Variants in AGAP1 observed in about 807,000 individuals in gnomAD.
AGAP1 encodes the protein ArfGAP with GTPase domain, ankyrin repeat and PH domain 1.
Under a neutral mutation model 105.3 loss-of-function variants are expected in AGAP1, and 29 were observed. The ratio of observed to expected loss-of-function variants is 0.28; its 90% confidence interval spans 0.21 to 0.38. The LOEUF is 0.38. Among genes scored for constraint, AGAP1 ranks in the 10% least tolerant of loss-of-function variants. The pLI, the probability that AGAP1 is intolerant of heterozygous loss-of-function variation, is 1.00. For synonymous variants in AGAP1, 509 were observed against 485.9 expected (o/e 1.05, Z -0.63); for missense variants, 998 against 1,165.1 (o/e 0.86, Z 2.09).
At position 235,721,482 on chromosome 2, in the gene AGAP1, T is replaced by TGC. The variant is rs1951381616; in HGVS notation, c.310+3839_310+3840insCG. On this transcript the variant is annotated intron_variant, in intron 3 of 17. Coordinates refer to ENST00000304032, the MANE Select transcript of AGAP1 (RefSeq NM_001037131.3). This position sits in a 1 kb window ranked among gnomAD's most constrained non-coding sequence, Gnocchi z 4.5. ...TTGACAGATTCCTTAATATTATGTG[T>TGC]GTGTGTGTGTGTGTGTGTGTGTACA... 6.9e-6 allele frequency among the ~76,000 whole-genome samples: 1 copy of TGC among 144,972 alleles called. No individual in the cohort carries two copies. Among genetic ancestry groups the TGC allele is most frequent in the Non-Finnish European group, 1.5e-5 (1 of 66,836 alleles).
At chr2:235,531,570 A>C (rs1943046051) in intron 1 of AGAP1, among the ~76,000 whole-genome samples, 1 of 150,692 alleles carries the variant, frequency 6.6e-6, no homozygotes. Context: ...CAGTGGGACA[A>C]GGGAATTGGG....
chr2:235,651,670 G>A (rs546825274), intron 1 of AGAP1, among the ~76,000 whole-genome samples: 3 of 152,272 alleles, frequency 2.0e-5, no homozygotes, highest in South Asian at 4.1e-4. Context: ...AGTGAGCAAC[G>A]TTGAGCCCCC....
In AGAP1 at chr2:236,076,961, AAAAG is replaced by A. The variant is rs2058650465; in HGVS notation, c.2114+27681_2114+27684del. The stretch of plus-strand genomic sequence containing the variant: ...TCACTACAGAAAATACCCAAAAAAA[AAAAG>A]CCAGGCATGGTGGTGCATGTCTGTG... On this transcript the variant is annotated intron_variant, in intron 16 of 17. Transcript: ENST00000304032. The surrounding 1 kb of genome is among the most constrained non-coding windows in gnomAD (Gnocchi z 4.4). 6.6e-6 allele frequency among the ~76,000 whole-genome samples: 1 copy of A among 151,592 alleles called. No homozygotes were observed. The highest frequency in any genetic ancestry group is 1.5e-5 in the Non-Finnish European group (1 of 67,894).
chr2:236,098,855 T>TA (rs2059262367), intron 16 of AGAP1, among the ~76,000 whole-genome samples: 1 of 151,728 alleles, frequency 6.6e-6, no homozygotes, highest in Admixed American at 6.6e-5. Context: ...ACTCTTGGCT[T>TA]CGAGTGATCT....
At chr2:235,709,364 C>G in intron 2 of AGAP1, 127 bp downstream of exon 2, 1 of 1,105,580 alleles carries the variant, frequency 9.0e-7, no homozygotes, top group Non-Finnish European at 1.4e-6. Context: ...TGGGTGTGTT[C>G]CTGGGAAGGG....
At chr2:235,536,375 A>ACACAC (rs1559231283) in intron 1 of AGAP1, among the ~76,000 whole-genome samples, 1 of 45,818 alleles carries the variant, frequency 2.2e-5, no homozygotes, top group East Asian at 9.3e-4. Context: ...ACACACACAC[A>ACACAC]GCAGGACCCC....
In AGAP1 at chr2:235,741,126, A is replaced by G; in HGVS notation, c.396+78A>G. On this transcript the variant is annotated intron_variant, in intron 4 of 17. Transcript: ENST00000304032. This position sits in a 1 kb window ranked among gnomAD's most constrained non-coding sequence, Gnocchi z 4.9. Reference sequence around the variant, plus strand: ...GTTTGATTCAAGAAGTGCTTCTAGAAATCGGTGACTTGGTTTCCAAAAAAG... The same window carrying G: ...GTTTGATTCAAGAAGTGCTTCTAGAGATCGGTGACTTGGTTTCCAAAAAAG... 7.8e-7 allele frequency: 1 copy of G among 1,276,484 alleles called. No homozygotes were observed. Among genetic ancestry groups the G allele is most frequent in the Non-Finnish European group, 1.1e-6 (1 of 950,686 alleles). 79.1% of individuals were successfully genotyped at this position (1,276,484 alleles called of 1,614,324 possible).
chr2:235,925,354 A>G (rs1244010123), intron 11 of AGAP1, among the ~76,000 whole-genome samples: 1 of 152,124 alleles, frequency 6.6e-6, no homozygotes, highest in Non-Finnish European at 1.5e-5. Context: ...CCCCAGCTTC[A>G]TATCTTACTC....
In AGAP1 at chr2:235,712,526, T is replaced by C. The variant is rs991143617; in HGVS notation, c.222+3289T>C. Among the ~76,000 whole-genome samples the C allele has an allele frequency of 7.2e-5, 11 of 152,252 alleles. No homozygotes were observed. The highest frequency in any genetic ancestry group is 5.9e-4 in the Admixed American group (9 of 15,288). Reference sequence around the variant, plus strand: ...CTCCTCACATCCTATTTGTGTGTTTTCATTGAACTCCAACTGGAATTTTTA... The same window carrying C: ...CTCCTCACATCCTATTTGTGTGTTTCCATTGAACTCCAACTGGAATTTTTA... On this transcript the variant is annotated intron_variant, in intron 2 of 17. Transcript: ENST00000304032. The surrounding 1 kb of genome is among the most constrained non-coding windows in gnomAD (Gnocchi z 6.0).
Position 235,714,049 on chromosome 2 carries a change from T to C in AGAP1, c.223-3508T>C, listed in dbSNP as rs1950976012. Among the ~76,000 whole-genome samples, 1 of 152,198 alleles carries C rather than the reference T, an allele frequency of 6.6e-6. No individual in the cohort carries two copies. The highest frequency in any genetic ancestry group is 1.5e-5 in the Non-Finnish European group (1 of 68,042). On this transcript the variant is annotated intron_variant, in intron 2 of 17. Coordinates refer to ENST00000304032, the MANE Select transcript of AGAP1 (RefSeq NM_001037131.3). The surrounding 1 kb of genome is among the most constrained non-coding windows in gnomAD (Gnocchi z 4.1). The stretch of plus-strand genomic sequence containing the variant: ...TATTTTTTGAGACAGAGTCTCACTC[T>C]GTCGCCCAGGCTGGAGTGCGGTGGT...
At position 235,801,876 on chromosome 2, in the gene AGAP1, A is replaced by C. The variant is rs1439569156; in HGVS notation, c.957+2354A>C. On this transcript the variant is annotated intron_variant, in intron 8 of 17. Transcript: ENST00000304032. This position sits in a 1 kb window ranked among gnomAD's most constrained non-coding sequence, Gnocchi z 6.0. ...CTTTGCTTTCTCTTTTAAGGAGAGA[A>C]ATTTTAAAACCACAAAGTATCTTTA... Among the ~76,000 whole-genome samples the C allele has an allele frequency of 6.6e-6, 1 of 152,024 alleles. No homozygotes were observed. Among genetic ancestry groups the C allele is most frequent in the African/African-American group, 2.4e-5 (1 of 41,386 alleles).
At position 235,573,060 on chromosome 2, in the gene AGAP1, CT is replaced by C. The variant is rs765893401; in HGVS notation, c.163+78214del. On this transcript the variant is annotated intron_variant, in intron 1 of 17. Transcript: ENST00000304032. Reference sequence around the variant, plus strand: ...TCTTCTTCTTCTTCTTCTTCTTCTTCTTTCTTCTTTCTTCTTTCTTCTTTCT... The same window carrying C: ...TCTTCTTCTTCTTCTTCTTCTTCTTCTTCTTCTTTCTTCTTTCTTCTTTCT... Among the ~76,000 whole-genome samples, 292 of 66,174 alleles carry C rather than the reference CT, an allele frequency of 4.4e-3. 15 individuals carry two copies. Among genetic ancestry groups the C allele is most frequent in the East Asian group, 0.017 (14 of 812 alleles). The allele number at this position is 66,174 out of a possible 152,430, so 43.4% of individuals were successfully genotyped here.
At chr2:235,675,415 G>A (rs1033980358) in intron 1 of AGAP1, among the ~76,000 whole-genome samples, 1 of 151,950 alleles carries the variant, frequency 6.6e-6, no homozygotes, top group African/African-American at 2.4e-5. Flanking sequence ...TCCTGACCTC[G>A]TGATACACCC....
At position 235,927,156 on chromosome 2, in the gene AGAP1, G is replaced by A. The variant is rs2052488649; in HGVS notation, c.1325-3609G>A. ...TGTAGTCCCGCAGTGGGAAGTGGGT[G>A]TGGCTGGGGCTGGGGGGCCTTCACG... On this transcript the variant is annotated intron_variant, in intron 11 of 17. Coordinates refer to ENST00000304032, the MANE Select transcript of AGAP1 (RefSeq NM_001037131.3). The surrounding 1 kb of genome is among the most constrained non-coding windows in gnomAD (Gnocchi z 4.4). 6.6e-6 allele frequency among the ~76,000 whole-genome samples: 1 copy of A among 152,188 alleles called. No homozygotes were observed. The highest frequency in any genetic ancestry group is 1.5e-5 in the Non-Finnish European group (1 of 68,036).
intron 6 of AGAP1, among the ~76,000 whole-genome samples, chr2:235,755,273 A>C (rs75196202): frequency 0.017 from 2,516 of 152,166 alleles, 71 homozygotes; most frequent in African/African-American, 0.058. Flanking sequence ...CCTATATACA[A>C]GTTTTTCTAT....
At chr2:235,848,392 T>C (rs1238073495) in intron 9 of AGAP1, among the ~76,000 whole-genome samples, 1 of 152,244 alleles carries the variant, frequency 6.6e-6, no homozygotes, top group African/African-American at 2.4e-5. Context: ...AACAAGGTCC[T>C]ACTCAGAGGC....
At chr2:235,685,368 C>A (rs1391088471) in intron 1 of AGAP1, among the ~76,000 whole-genome samples, 1 of 151,702 alleles carries the variant, frequency 6.6e-6, no homozygotes, top group Non-Finnish European at 1.5e-5. Context: ...CACACTGAGC[C>A]CTGCTGATCC....
chr2:235,680,637 A>C (rs1280347088), intron 1 of AGAP1, among the ~76,000 whole-genome samples: 2 of 151,802 alleles, frequency 1.3e-5, no homozygotes, highest in Admixed American at 6.6e-5. Flanking sequence ...ACTGGTGCTG[A>C]CAGGGTGAAT....
rs533930188 is a variant in AGAP1 at position 236,088,880 on chromosome 2, G to T, written c.2115-31312G>T. Among the ~76,000 whole-genome samples, 15 of 152,238 alleles carry T rather than the reference G, an allele frequency of 9.9e-5. 2 individuals are homozygous for T. In the South Asian group the frequency reaches 3.1e-3, roughly 32 times the overall value. ...CTCATTCCTCACGAGTGCTCAGTTG[G>T]TATTTCTTGAAAGAATAGTTGCTTA... On this transcript the variant is annotated intron_variant, in intron 16 of 17. Transcript: ENST00000304032.
Sources: gnomAD v4.1 joint callset for allele counts (sites outside exome capture counted in the v4.1 genomes callset) on GRCh38, gnomAD v4.1.1 for gene constraint, Gnocchi (gnomAD v3.1) non-coding constraint, MANE v1.5 for transcripts, NCBI Gene and HGNC (gene_info 2026-07-23, HGNC 2026-07-21) for gene names.